The following CCDC68 variants were observed in gnomAD, a reference collection of about 807,000 sequenced individuals.
CCDC68 encodes the protein coiled-coil domain containing 68, also known as coiled-coil domain-containing protein 68.
In CCDC68, 45 loss-of-function variants were observed where a neutral mutation model predicts 47.1. The ratio of observed to expected loss-of-function variants is 0.96; its 90% CI spans 0.75 to 1.23. The LOEUF (loss-of-function observed/expected upper bound fraction) is 1.23, where lower values mean the gene tolerates loss of function less well. Among genes scored for constraint, CCDC68 ranks in the 50% most tolerant of loss-of-function variants. The probability of loss-of-function intolerance (pLI) is 0.00; values close to 1 mark genes in which losing one functional copy is unlikely to be tolerated. For synonymous variants in CCDC68, 131 were observed against 129.5 expected, an observed-to-expected ratio of 1.01 and a Z score of -0.08; for missense variants, 353 against 373.6, an observed-to-expected ratio of 0.94 and a Z score of 0.45.
chr18:54,914,980 A>G, intron 10 of CCDC68, among the ~76,000 whole-genome samples: 1 of 152,226 alleles, frequency 6.6e-6, no homozygotes, highest in Non-Finnish European at 1.5e-5. Context: ...AATAGGCACA[A>G]CTAAAGAACA....
intron 9 of CCDC68, among the ~76,000 whole-genome samples, chr18:54,918,664 G>A (rs2043997528): frequency 1.3e-5 from 2 of 152,326 alleles, no homozygotes; most frequent in Non-Finnish European, 1.5e-5. Flanking sequence ...TCTATGTGAG[G>A]AAGGCTCTGG....
At chr18:54,936,457 C>A (rs973948029) in intron 6 of CCDC68, among the ~76,000 whole-genome samples, 1 of 151,836 alleles carries the variant, frequency 6.6e-6, no homozygotes, top group Non-Finnish European at 1.5e-5. Context: ...GACAAGGACA[C>A]CCAAATCCAG....
intron 8 of CCDC68, among the ~76,000 whole-genome samples, chr18:54,922,637 G>C (rs909832003): frequency 2.6e-5 from 4 of 152,236 alleles, no homozygotes; most frequent in African/African-American, 9.6e-5. Context: ...TAGATCACTT[G>C]AAACCAGGAG....
At chr18:54,913,819 A>G (rs981784204) in intron 10 of CCDC68, among the ~76,000 whole-genome samples, 2 of 152,124 alleles carry the variant, frequency 1.3e-5, no homozygotes, top group African/African-American at 4.8e-5. Flanking sequence ...TCCCTAAAAA[A>G]CAAATAACAA....
At chr18:54,934,418 G>T (rs1050052302) in intron 7 of CCDC68, among the ~76,000 whole-genome samples, 1 of 152,168 alleles carries the variant, frequency 6.6e-6, no homozygotes, top group African/African-American at 2.4e-5. Flanking sequence ...GCCAAAAATG[G>T]ATACTGCACT....
intron 1 of CCDC68, among the ~76,000 whole-genome samples, chr18:54,950,922 T>C: frequency 1.1e-5 from 1 of 91,660 alleles, no homozygotes; most frequent in Non-Finnish European, 2.3e-5. Flanking sequence ...TTTTTTTTTT[T>C]TTTTGAGACG....
At chr18:54,928,605 T>A (rs535823856) in intron 8 of CCDC68, among the ~76,000 whole-genome samples, 195 bp downstream of exon 8, 2 of 152,278 alleles carry the variant, frequency 1.3e-5, no homozygotes, top group African/African-American at 4.8e-5. Flanking sequence ...CCAACTGCCC[T>A]GTGATTCCTC....
At chr18:54,905,845 ATTACCTCC>A (rs1345594416) in intron 11 of CCDC68, among the ~76,000 whole-genome samples, 1 of 152,146 alleles carries the variant, frequency 6.6e-6, no homozygotes, top group Non-Finnish European at 1.5e-5. Flanking sequence ...CATCGCTCAC[ATTACCTCC>A]TGAGCTCCAC....
rs777412161 is a variant in CCDC68 at position 54,928,780 on chromosome 18, TAAC to T, written c.683+17_683+19del. 15 of 1,550,188 alleles carry T rather than the reference TAAC, an allele frequency of 9.7e-6. No individual in the cohort carries two copies. The East Asian group carries it at 3.4e-4, about 35-fold the overall frequency. Reference sequence around the variant, plus strand: ...AAAGAAATCAGGAACTGCCTTTACTTAACAGGTAGCTTCACAAACCTTTTTCCA... The same window carrying T: ...AAAGAAATCAGGAACTGCCTTTACTTAGGTAGCTTCACAAACCTTTTTCCA... On this transcript the variant is annotated intron_variant, in intron 8 of 11. Transcript: ENST00000591504.
At chr18:54,918,576 C>T (rs1023333615) in intron 9 of CCDC68, among the ~76,000 whole-genome samples, 11 of 152,146 alleles carry the variant, frequency 7.2e-5, no homozygotes, top group African/African-American at 2.7e-4. Context: ...CCCCAAAGTC[C>T]CTCCTGGCTC....
chr18:54,933,374 C>G (rs1038678289), intron 7 of CCDC68, among the ~76,000 whole-genome samples: 1 of 152,174 alleles, frequency 6.6e-6, no homozygotes, highest in Non-Finnish European at 1.5e-5. Context: ...AACCACCATG[C>G]CCAGCCTGTT....
At chr18:54,918,356 C>T (rs543386759) in intron 9 of CCDC68, among the ~76,000 whole-genome samples, 29 of 152,286 alleles carry the variant, frequency 1.9e-4, no homozygotes, top group African/African-American at 6.7e-4. Context: ...GAGACCACTG[C>T]CTGGTGTGCA....
Position 54,919,314 on chromosome 18 carries a change from A to G in CCDC68, c.746T>C (p.Val249Ala), listed in dbSNP as rs34751112. 0.036 allele frequency: 58,668 copies of G among 1,613,920 alleles called. 1,293 individuals are homozygous for G. Among genetic ancestry groups the G allele is most frequent in the Non-Finnish European group, 0.044 (51,516 of 1,179,784 alleles). ...LQEQISHLQF[V>A]IHSQHQNLRS... ...CAGGTTCTGATGTTGGGAGTGAATC[A>G]CAAACTGCAGATGAGAGATCTGCTC... is the stretch of plus-strand genomic sequence containing the variant. The change falls in exon 9 of 12, where the codon GTG becomes GCG. Residue 249 changes from valine (V) to alanine (A), a missense_variant. Transcript: ENST00000591504.
chr18:54,942,698 C>A lies in CCDC68; in HGVS notation c.94G>T (p.Glu32Ter). ...LYESTSAHII[E>*]ETEYVKKIRT... ...ACCTTTTTCACATACTCGGTTTCTT[C>A]AATAATGTGAGCGGACGTAGACTCA... The change falls in exon 3 of 12, where the codon GAA becomes TAA. Residue 32 changes from glutamate to a stop codon, truncating the protein, a stop_gained. Coordinates refer to ENST00000591504, the MANE Select transcript of CCDC68 (RefSeq NM_025214.3). LOFTEE classifies it high-confidence loss of function. 3.1e-6 allele frequency: 5 copies of A among 1,603,868 alleles called. No homozygotes were observed. The highest frequency in any genetic ancestry group is 4.3e-6 in the Non-Finnish European group (5 of 1,173,436).
At chr18:54,936,073 C>T (rs1023123833) in intron 6 of CCDC68, among the ~76,000 whole-genome samples, 1 of 145,552 alleles carries the variant, frequency 6.9e-6, no homozygotes, top group African/African-American at 2.5e-5. Context: ...ATAAAAGCAT[C>T]TAAATTTATA....
At chr18:54,937,912 C>T (rs775592421) in intron 5 of CCDC68, 45 bp downstream of exon 5, 2 of 1,569,336 alleles carry the variant, frequency 1.3e-6, no homozygotes, top group East Asian at 2.3e-5. Flanking sequence ...ATTCTATTAG[C>T]TCGAAGGCTC....
chr18:54,917,720 A>C (rs1257010528), intron 10 of CCDC68, among the ~76,000 whole-genome samples, 193 bp downstream of exon 10: 13 of 152,036 alleles, frequency 8.6e-5, no homozygotes, highest in Admixed American at 8.5e-4. Flanking sequence ...GACCCAGCAC[A>C]CACAGTCACA....
Position 54,919,290 on chromosome 18 carries a change from A to C in CCDC68, c.770T>G (p.Leu257Arg). The C allele has an allele frequency of 1.2e-6, 2 of 1,613,660 alleles. No individual in the cohort carries two copies. The highest frequency in any genetic ancestry group is 1.7e-6 in the Non-Finnish European group (2 of 1,179,564). The change falls in exon 9 of 12, where the codon CTG becomes CGG. Residue 257 changes from leucine to arginine, a missense_variant. By Grantham distance (102) the Leu-to-Arg change is moderately radical. Coordinates refer to ENST00000591504, the MANE Select transcript of CCDC68 (RefSeq NM_025214.3). ...QFVIHSQHQNLRSVIQEMEGL... is the reference protein window; with the variant it reads ...QFVIHSQHQNRRSVIQEMEGL... Reference sequence around the variant, plus strand: ...TCTGACCTCCTGGATGACACTGCGCAGGTTCTGATGTTGGGAGTGAATCAC... The same window carrying C: ...TCTGACCTCCTGGATGACACTGCGCCGGTTCTGATGTTGGGAGTGAATCAC...
chr18:54,909,873 T>A (rs1385861184), intron 10 of CCDC68, among the ~76,000 whole-genome samples: 1 of 152,222 alleles, frequency 6.6e-6, no homozygotes, highest in East Asian at 1.9e-4. Flanking sequence ...AGCTCCCAGG[T>A]CTGGGCTGCC....
Sources: gnomAD v4.1 joint callset for allele counts (sites outside exome capture counted in the v4.1 genomes callset) on GRCh38, gnomAD v4.1.1 for gene constraint, MANE v1.5 for transcripts, NCBI Gene and HGNC (gene_info 2026-07-23, HGNC 2026-07-21) for gene names.